RAMP3: variants seen among roughly 807,000 people sequenced by gnomAD.
RAMP3 encodes receptor activity-modifying protein 3.
RAMP3 carries 14 observed loss-of-function variants against 13.5 expected under a neutral mutation model. The ratio of observed to expected loss-of-function variants is 1.04; its 90% CI spans 0.69 to 1.63. The LOEUF is 1.63. RAMP3 is among the 40% of genes most tolerant of loss of function. The probability of loss-of-function intolerance (pLI) is 0.00; values close to 1 mark genes in which losing one functional copy is unlikely to be tolerated. For missense variants in RAMP3, 200 were observed against 204.8 expected (o/e 0.98, Z 0.14); for synonymous variants, 106 against 88.3 (o/e 1.20, Z -1.12).
chr7:45,161,689 G>A (rs767135891), intron 1 of RAMP3, among the ~76,000 whole-genome samples: 10 of 151,820 alleles, frequency 6.6e-5, no homozygotes, highest in Admixed American at 2.6e-4. Context: ...AGGGGAAGGA[G>A]GGGGAGGCAG....
intron 1 of RAMP3, among the ~76,000 whole-genome samples, chr7:45,165,172 C>T (rs1562952200): frequency 6.6e-6 from 1 of 152,052 alleles, no homozygotes; most frequent in Non-Finnish European, 1.5e-5. Flanking sequence ...TTATGGTATA[C>T]ATCTTTAATT....
intron 1 of RAMP3, among the ~76,000 whole-genome samples, chr7:45,170,381 T>C: frequency 6.6e-6 from 1 of 151,926 alleles, no homozygotes; most frequent in East Asian, 1.9e-4. Context: ...CTCTGTCACC[T>C]AGGCTGGAGT....
At chr7:45,176,723 G>A (rs1249501454) in intron 1 of RAMP3, among the ~76,000 whole-genome samples, 4 of 152,194 alleles carry the variant, frequency 2.6e-5, no homozygotes, top group African/African-American at 7.2e-5. Flanking sequence ...GAAATCCTGG[G>A]ACAAGCAGCT....
At chr7:45,163,872 G>A in intron 1 of RAMP3, 2 of 985,368 alleles carry the variant, frequency 2.0e-6, no homozygotes, top group Non-Finnish European at 2.4e-6. Flanking sequence ...AGATGGTATG[G>A]CTTCTCTTGA....
chr7:45,160,629 G>A (rs1311388326), intron 1 of RAMP3, among the ~76,000 whole-genome samples: 1 of 152,088 alleles, frequency 6.6e-6, no homozygotes, highest in African/African-American at 2.4e-5. Context: ...AGGAGGGGGA[G>A]AGCGCCTGTG....
intron 1 of RAMP3, among the ~76,000 whole-genome samples, chr7:45,160,725 G>T (rs1198858205): frequency 6.6e-6 from 1 of 152,190 alleles, no homozygotes; most frequent in Non-Finnish European, 1.5e-5. Context: ...GTGGCGTCTG[G>T]AAGTCCCTGA....
At chr7:45,172,737 C>T (rs1168136252) in intron 1 of RAMP3, among the ~76,000 whole-genome samples, 2 of 152,312 alleles carry the variant, frequency 1.3e-5, no homozygotes, top group African/African-American at 4.8e-5. Context: ...TGCTTGTTTT[C>T]CTTGGGAAGT....
chr7:45,161,136 G>T (rs1785858932), intron 1 of RAMP3, among the ~76,000 whole-genome samples: 1 of 80,184 alleles, frequency 1.2e-5, no homozygotes. Context: ...ATCTGCCTGA[G>T]CCAGGTCCTT....
rs536006589 is a variant in RAMP3, at chr7:45,170,835, A to G, written c.59-6474A>G. Among the ~76,000 whole-genome samples, 286 of 152,056 alleles carry G rather than the reference A, an allele frequency of 1.9e-3. 2 individuals carry two copies. The highest frequency in any genetic ancestry group is 6.5e-3 in the African/African-American group (271 of 41,466). On this transcript the variant is annotated intron_variant, in intron 1 of 2. Transcript: ENST00000242249. ...ATTAAAAAAATTTTATTTTATAGAG[A>G]TGAAGGTTTCACAATGGTGCCCAGG...
chr7:45,175,053 G>A (rs1794923881), intron 1 of RAMP3, among the ~76,000 whole-genome samples: 1 of 152,190 alleles, frequency 6.6e-6, no homozygotes, highest in African/African-American at 2.4e-5. Flanking sequence ...ATGAGCACAT[G>A]GCCTTTCTGT....
At chr7:45,167,904 G>A (rs975259858) in intron 1 of RAMP3, among the ~76,000 whole-genome samples, 2 of 151,998 alleles carry the variant, frequency 1.3e-5, no homozygotes, top group African/African-American at 4.8e-5. Context: ...TCTTTTTCAT[G>A]ATTGTTTTGG....
At chr7:45,172,375 C>T (rs13246000) in intron 1 of RAMP3, among the ~76,000 whole-genome samples, 39,978 of 152,160 alleles carry the variant, frequency 0.26, 6,382 homozygotes, top group African/African-American at 0.44. Context: ...CTATTCTTCC[C>T]GAGATGTGGT....
At chr7:45,177,693 G>A (rs1315605121) in intron 2 of RAMP3, among the ~76,000 whole-genome samples, 7 of 151,642 alleles carry the variant, frequency 4.6e-5, no homozygotes, top group Non-Finnish European at 8.8e-5. Context: ...CATCACTCAC[G>A]GCCCCGCCCA....
intron 1 of RAMP3, among the ~76,000 whole-genome samples, chr7:45,171,826 G>T (rs1452750552): frequency 6.6e-6 from 1 of 152,134 alleles, no homozygotes; most frequent in African/African-American, 2.4e-5. Flanking sequence ...TCCAAATATA[G>T]TCAATCCCTT....
At chr7:45,181,128 T>C (rs1261360717) in intron 2 of RAMP3, among the ~76,000 whole-genome samples, 3 of 152,190 alleles carry the variant, frequency 2.0e-5, no homozygotes, top group Non-Finnish European at 4.4e-5. Context: ...GGATAAGTGT[T>C]ATTAAACCCA....
At chr7:45,177,158 G>A in intron 1 of RAMP3, 151 bp from the exon 2 acceptor site, 1 of 939,516 alleles carries the variant, frequency 1.1e-6, no homozygotes, top group Middle Eastern at 2.2e-4. Flanking sequence ...GGTAGGTCAG[G>A]GTGGAGGGTG....
chr7:45,172,348 A>G (rs915493733), intron 1 of RAMP3, among the ~76,000 whole-genome samples: 3 of 152,192 alleles, frequency 2.0e-5, no homozygotes, highest in African/African-American at 7.2e-5. Flanking sequence ...TTGTGGCTCA[A>G]ATGTCACAGA....
intron 2 of RAMP3, among the ~76,000 whole-genome samples, chr7:45,180,901 A>T (rs907654633): frequency 2.6e-5 from 4 of 152,216 alleles, no homozygotes; most frequent in African/African-American, 9.7e-5. Flanking sequence ...TGAATAAATC[A>T]TAAGTAGTTC....
intron 1 of RAMP3, among the ~76,000 whole-genome samples, chr7:45,165,687 A>G (rs1385489393): frequency 6.6e-6 from 1 of 152,070 alleles, no homozygotes. Flanking sequence ...ATTAGCAGTC[A>G]CTCCCTATTT....
Sources: allele counts gnomAD v4.1 joint callset (sites outside exome capture counted in the v4.1 genomes callset), GRCh38; gene constraint gnomAD v4.1.1; transcripts MANE v1.5; gene names NCBI Gene and HGNC (gene_info 2026-07-23, HGNC 2026-07-21).